The following SLC39A11 variants were observed in gnomAD, a reference collection of about 807,000 sequenced individuals.
SLC39A11 encodes the protein solute carrier family 39 member 11.
A neutral mutation model predicts 36.1 loss-of-function variants in SLC39A11; 33 were observed. That is an observed-to-expected ratio of 0.91 (90% CI 0.69 to 1.22). The LOEUF (loss-of-function observed/expected upper bound fraction) is 1.22. SLC39A11 is among the 50% of genes most tolerant of loss of function. The pLI is 0.00. For missense variants in SLC39A11, 432 were observed against 430.3 expected, an observed-to-expected ratio of 1.00 and a Z score of -0.03; for synonymous variants, 166 against 170.3, an observed-to-expected ratio of 0.97 and a Z score of 0.20.
At chr17:72,709,582 G>A (rs1431520723) in intron 7 of SLC39A11, among the ~76,000 whole-genome samples, 1 of 152,190 alleles carries the variant, frequency 6.6e-6, no homozygotes, top group African/African-American at 2.4e-5. Flanking sequence ...GGTATTCAAT[G>A]GACAATGGCT....
intron 7 of SLC39A11, among the ~76,000 whole-genome samples, chr17:72,698,720 T>C (rs1185695137): frequency 3.9e-5 from 6 of 152,224 alleles, no homozygotes; most frequent in Non-Finnish European, 4.4e-5. Context: ...CAGAAGTCCC[T>C]GCCCCAGTGG....
intron 6 of SLC39A11, among the ~76,000 whole-genome samples, chr17:72,775,061 G>A (rs1468370736): frequency 6.6e-6 from 1 of 151,886 alleles, no homozygotes; most frequent in Non-Finnish European, 1.5e-5. Flanking sequence ...TGGAGGGCTG[G>A]CTAATATTGT....
chr17:72,863,315 T>C (rs975470516), intron 5 of SLC39A11, among the ~76,000 whole-genome samples: 1 of 151,760 alleles, frequency 6.6e-6, no homozygotes, highest in East Asian at 1.9e-4. Flanking sequence ...TTCCATAATC[T>C]CCCCCATTTA....
At chr17:72,835,982 G>C (rs912280362) in intron 6 of SLC39A11, among the ~76,000 whole-genome samples, 2 of 152,126 alleles carry the variant, frequency 1.3e-5, no homozygotes, top group Non-Finnish European at 2.9e-5. Context: ...GAGCATCAGT[G>C]GTGGTGATAG....
intron 5 of SLC39A11, among the ~76,000 whole-genome samples, chr17:72,882,075 C>T (rs1210956767): frequency 5.3e-5 from 8 of 152,228 alleles, no homozygotes; most frequent in Admixed American, 6.5e-5. Context: ...TCGGCCGGGC[C>T]GGTGTGGTGG....
chr17:72,815,336 G>A (rs2077548050), intron 6 of SLC39A11, among the ~76,000 whole-genome samples: 1 of 152,212 alleles, frequency 6.6e-6, no homozygotes, highest in Non-Finnish European at 1.5e-5. Flanking sequence ...GAATGCAGGA[G>A]AGGCTGGGCG....
At chr17:73,070,155 T>C (rs1341412773) in intron 3 of SLC39A11, among the ~76,000 whole-genome samples, 1 of 152,200 alleles carries the variant, frequency 6.6e-6, no homozygotes, top group Admixed American at 6.5e-5. Context: ...GCCTGCCCTC[T>C]TTCTTTTATG....
At chr17:72,912,564 A>T (rs1215956646) in intron 5 of SLC39A11, among the ~76,000 whole-genome samples, 1 of 85,926 alleles carries the variant, frequency 1.2e-5, no homozygotes, top group Non-Finnish European at 2.6e-5. Flanking sequence ...CCTCCCAAAG[A>T]GCTGGGAGCC....
intron 3 of SLC39A11, among the ~76,000 whole-genome samples, chr17:73,065,434 G>A (rs1160573295): frequency 6.6e-6 from 1 of 152,020 alleles, no homozygotes; most frequent in African/African-American, 2.4e-5. Flanking sequence ...AACCAATAAA[G>A]GTAATACAAG....
chr17:72,949,737 G>A (rs945711814), intron 4 of SLC39A11, among the ~76,000 whole-genome samples: 1 of 151,760 alleles, frequency 6.6e-6, no homozygotes, highest in Admixed American at 6.6e-5. Flanking sequence ...ATTCTGAGGG[G>A]ATGCAAACAT....
intron 5 of SLC39A11, among the ~76,000 whole-genome samples, chr17:72,942,355 C>T (rs113617841): frequency 2.0e-4 from 31 of 152,272 alleles, no homozygotes; most frequent in African/African-American, 7.2e-4. Flanking sequence ...AAATAAAACT[C>T]TGATTGCCAA....
chr17:73,035,863 CAAAAAAAAAAA>C (rs1174297357), intron 3 of SLC39A11, among the ~76,000 whole-genome samples: 106 of 65,558 alleles, frequency 1.6e-3, no homozygotes, highest in Non-Finnish European at 2.4e-3. Flanking sequence ...CACTCCATCT[CAAAAAAAAAAA>C]AAAAAAAAAA....
chr17:72,747,628 A>G (rs2074993912), intron 6 of SLC39A11, among the ~76,000 whole-genome samples: 1 of 152,228 alleles, frequency 6.6e-6, no homozygotes, highest in East Asian at 1.9e-4. Context: ...ACCATGGGGC[A>G]GGGCTGCTGT....
intron 5 of SLC39A11, among the ~76,000 whole-genome samples, chr17:72,912,301 A>C (rs2083056045): frequency 6.6e-6 from 1 of 152,014 alleles, no homozygotes. Context: ...TGCAGTCCCC[A>C]CCAAGCAGGA....
At chr17:72,697,737 C>T (rs2072374990) in intron 7 of SLC39A11, among the ~76,000 whole-genome samples, 1 of 151,528 alleles carries the variant, frequency 6.6e-6, no homozygotes, top group African/African-American at 2.4e-5. Context: ...AGAGCAGAAC[C>T]CCCCACCCCC....
At chr17:72,797,739 T>C (rs1192061738) in intron 6 of SLC39A11, among the ~76,000 whole-genome samples, 1 of 152,106 alleles carries the variant, frequency 6.6e-6, no homozygotes, top group East Asian at 1.9e-4. Context: ...AAGTGTCCAA[T>C]CTAAGCTCGC....
At chr17:72,722,138 T>C (rs2073709913) in intron 7 of SLC39A11, among the ~76,000 whole-genome samples, 1 of 152,062 alleles carries the variant, frequency 6.6e-6, no homozygotes, top group South Asian at 2.1e-4. Flanking sequence ...TTCTTTTCCA[T>C]GCTAATGATT....
intron 5 of SLC39A11, among the ~76,000 whole-genome samples, chr17:72,925,056 T>C (rs1008694626): frequency 6.6e-6 from 1 of 151,406 alleles, no homozygotes; most frequent in Non-Finnish European, 1.5e-5. Context: ...AGCTTCTCAT[T>C]TGAGGAGAAT....
At chr17:72,917,744 T>C (rs1263780575) in intron 5 of SLC39A11, among the ~76,000 whole-genome samples, 1 of 152,210 alleles carries the variant, frequency 6.6e-6, no homozygotes, top group Non-Finnish European at 1.5e-5. Flanking sequence ...GATGTAAATA[T>C]CTAACATGCT....
Sources: gnomAD v4.1 joint callset for allele counts (sites outside exome capture counted in the v4.1 genomes callset) on GRCh38, gnomAD v4.1.1 for gene constraint, MANE v1.5 for transcripts, NCBI Gene and HGNC (gene_info 2026-07-23, HGNC 2026-07-21) for gene names.